NAP1L4: variants seen among roughly 807,000 people sequenced by gnomAD.
NAP1L4 encodes the protein nucleosome assembly protein 1-like 4.
In NAP1L4, 15 loss-of-function variants were observed where a neutral mutation model predicts 58.2. That is an observed-to-expected ratio of 0.26 (90% CI 0.17 to 0.40). The LOEUF is 0.40. Among genes scored for constraint, NAP1L4 ranks in the 10% least tolerant of loss-of-function variants. The pLI, the probability that NAP1L4 is intolerant of heterozygous loss-of-function variation, is 1.00. For synonymous variants in NAP1L4, 171 were observed against 155.6 expected (o/e 1.10, Z -0.74); for missense variants, 384 against 451.1 (o/e 0.85, Z 1.35).
chr11:2,977,090 G>C (rs2133990120), intron 3 of NAP1L4, among the ~76,000 whole-genome samples: 1 of 152,328 alleles, frequency 6.6e-6, no homozygotes, highest in East Asian at 1.9e-4. Flanking sequence ...TGAAGCACAT[G>C]AAGTGTATTT....
intron 8 of NAP1L4, among the ~76,000 whole-genome samples, chr11:2,962,432 C>T (rs796698947): frequency 1.1e-4 from 16 of 152,306 alleles, no homozygotes; most frequent in African/African-American, 3.6e-4. Flanking sequence ...TAGGCAAGCG[C>T]TCAAGGGAAG....
intron 7 of NAP1L4, among the ~76,000 whole-genome samples, chr11:2,968,086 T>A (rs941383137): frequency 6.6e-6 from 1 of 152,140 alleles, no homozygotes; most frequent in African/African-American, 2.4e-5. Context: ...CCAGGGCCCA[T>A]GAGCCAGACA....
At chr11:2,984,114 C>T (rs1442503234) in intron 1 of NAP1L4, among the ~76,000 whole-genome samples, 1 of 144,622 alleles carries the variant, frequency 6.9e-6, no homozygotes, top group Non-Finnish European at 1.5e-5. Context: ...CTGCAGTGAG[C>T]TATCACTGCG....
chr11:2,963,510 GA>G (rs1564979627), intron 8 of NAP1L4, among the ~76,000 whole-genome samples: 1 of 152,194 alleles, frequency 6.6e-6, no homozygotes, highest in African/African-American at 2.4e-5. Context: ...AGGGACACCT[GA>G]ATGTCACCTT....
chr11:2,974,518 A>C (rs2133981881), intron 4 of NAP1L4, among the ~76,000 whole-genome samples: 1 of 152,216 alleles, frequency 6.6e-6, no homozygotes, highest in Non-Finnish European at 1.5e-5. Context: ...CCATCAATCT[A>C]GTCTGCAAAA....
chr11:2,949,123 G>A lies in NAP1L4; in HGVS notation c.*32+104C>T, dbSNP rs972787970. 2.3e-5 allele frequency: 20 copies of A among 864,958 alleles called. No individual in the cohort carries two copies. The highest frequency in any genetic ancestry group is 2.7e-4 in the Middle Eastern group (1 of 3,696). The allele number at this position is 864,958 out of a possible 1,614,324, so 53.6% of individuals were successfully genotyped here. Reference sequence around the variant, plus strand: ...ATGTCAAACCTGTGACACAGTGAGTGTACCTGGACAGCAACTCCCTCTTTA... The same window carrying A: ...ATGTCAAACCTGTGACACAGTGAGTATACCTGGACAGCAACTCCCTCTTTA... On this transcript the variant is annotated intron_variant, in intron 15 of 15. Coordinates refer to ENST00000380542, the MANE Select transcript of NAP1L4 (RefSeq NM_005969.4). This position sits in a 1 kb window ranked among gnomAD's most constrained non-coding sequence, Gnocchi z 4.0.
At chr11:2,983,592 G>GA (rs545028521) in intron 1 of NAP1L4, among the ~76,000 whole-genome samples, 60,372 of 141,702 alleles carry the variant, frequency 0.43, 13,005 homozygotes, top group African/African-American at 0.56. Context: ...CGGTATTCTG[G>GA]AAAAAAAAAA....
chr11:2,969,316 G>T lies in NAP1L4; in HGVS notation c.534+487C>A, dbSNP rs7109661. Among the ~76,000 whole-genome samples, 1,518 of 151,964 alleles carry T rather than the reference G, an allele frequency of 1.0e-2. 26 individuals carry two copies. Among genetic ancestry groups the T allele is most frequent in the African/African-American group, 0.035 (1,440 of 41,446 alleles). ...AAATAGACACTTTTTCAAGAGAAAT[G>T]ATCAGAAAATATTAGCAACTTGTTC... is the stretch of plus-strand genomic sequence containing the variant. On this transcript the variant is annotated intron_variant, in intron 7 of 15. Coordinates refer to ENST00000380542, the MANE Select transcript of NAP1L4 (RefSeq NM_005969.4).
intron 1 of NAP1L4, among the ~76,000 whole-genome samples, chr11:2,987,372 G>A (rs1848693543): frequency 6.6e-6 from 1 of 151,392 alleles, no homozygotes; most frequent in Admixed American, 6.6e-5. Flanking sequence ...TCAAACTCCT[G>A]ACCCTCAGGT....
At chr11:2,981,157 G>A (rs1590267034) in intron 1 of NAP1L4, among the ~76,000 whole-genome samples, 1 of 151,530 alleles carries the variant, frequency 6.6e-6, no homozygotes, top group Non-Finnish European at 1.5e-5. Context: ...AGAATCGCTC[G>A]AGCACAGGAG....
intron 1 of NAP1L4, chr11:2,991,028 A>G (rs1240422330): frequency 4.5e-6 from 2 of 447,804 alleles, no homozygotes; most frequent in African/African-American, 2.0e-5. Flanking sequence ...TTACTACAGG[A>G]AAAAGTAATG....
At chr11:2,960,637 T>TG (rs1198096258) in intron 8 of NAP1L4, among the ~76,000 whole-genome samples, 3 of 152,188 alleles carry the variant, frequency 2.0e-5, no homozygotes, top group Non-Finnish European at 2.9e-5. Context: ...GCCAGGATTT[T>TG]GGGGTACTGA....
intron 1 of NAP1L4, among the ~76,000 whole-genome samples, chr11:2,979,865 T>C (rs1414423600): frequency 6.6e-6 from 1 of 152,238 alleles, no homozygotes; most frequent in Non-Finnish European, 1.5e-5. Context: ...TTATTTTTTA[T>C]AATACATTCG....
Position 2,954,626 on chromosome 11 carries a change from T to C in NAP1L4, c.936A>G (p.Thr312=), listed in dbSNP as rs921309353. 1.7e-5 allele frequency: 27 copies of C among 1,614,120 alleles called. No individual in the cohort carries two copies. Among genetic ancestry groups the C allele is most frequent in the Admixed American group, 5.0e-5 (3 of 60,014 alleles). ...GESLDEDSEF[T]LASDFEIGHF... ...GTCCAATTTCAAAATCAGAGGCTAA[T>C]GTGAATTCAGAATCTTCATCCTGAG... The change falls in exon 12 of 16, where the codon ACA becomes ACG. Residue 312 remains threonine (T), a synonymous_variant. Transcript: ENST00000380542. This position sits in a 1 kb window ranked among gnomAD's most constrained non-coding sequence, Gnocchi z 4.8.
intron 3 of NAP1L4, 24 bp from the exon 4 acceptor site, chr11:2,976,147 T>C (rs1392529317): frequency 4.5e-6 from 7 of 1,565,904 alleles, no homozygotes; most frequent in Non-Finnish European, 6.1e-6. Flanking sequence ...AGACCAAACA[T>C]ATTTAAAATA....
chr11:2,976,926 TC>T (rs1847995818), intron 3 of NAP1L4, among the ~76,000 whole-genome samples: 1 of 152,106 alleles, frequency 6.6e-6, no homozygotes, highest in Non-Finnish European at 1.5e-5. Flanking sequence ...CCAGCGCCCT[TC>T]CCTTGCTTAG....
rs1009039738 is a variant in NAP1L4 at position 2,959,901 on chromosome 11, C to A, written c.615G>T (p.Val205=). Residue 205 remains valine, a synonymous_variant, in exon 9 of 16, where the codon GTG becomes GTT. Coordinates refer to ENST00000380542, the MANE Select transcript of NAP1L4 (RefSeq NM_005969.4). This position sits in a 1 kb window ranked among gnomAD's most constrained non-coding sequence, Gnocchi z 4.9. ...CGTTGGGTTCAAAGTGGAACTCTAA[C>A]ACAAAAGACTAAAAGTAGAAATTCA... is the stretch of plus-strand genomic sequence containing the variant. ...FSDPGQPMSF[V]LEFHFEPNDY... 28 of 1,613,764 alleles carry A rather than the reference C, an allele frequency of 1.7e-5. No individual in the cohort carries two copies. The highest frequency in any genetic ancestry group is 2.1e-5 in the Non-Finnish European group (25 of 1,179,968).
In NAP1L4 at chr11:2,945,259, C is replaced by T. The variant is rs1426216526; in HGVS notation, c.*420G>A. Reference sequence around the variant, plus strand: ...GGGAGAGGTTCCAGATCCTGGGAACCACATCACCAGACCTCGGCCCTTTTT... The same window carrying T: ...GGGAGAGGTTCCAGATCCTGGGAACTACATCACCAGACCTCGGCCCTTTTT... On this transcript the variant is annotated 3_prime_UTR_variant, in exon 16 of 16. Transcript: ENST00000380542. 8.6e-6 allele frequency: 2 copies of T among 232,452 alleles called. No individual in the cohort carries two copies. Among genetic ancestry groups the T allele is most frequent in the African/African-American group, 4.5e-5 (2 of 44,520 alleles). 14.4% of individuals were successfully genotyped at this position (232,452 alleles called of 1,614,324 possible).
intron 4 of NAP1L4, among the ~76,000 whole-genome samples, chr11:2,975,458 C>T (rs1028186045): frequency 1.8e-4 from 28 of 152,014 alleles, no homozygotes; most frequent in Admixed American, 1.5e-3. Flanking sequence ...GTCAGCCAGG[C>T]ACGGTAGCTC....
Sources: allele counts gnomAD v4.1 joint callset (sites outside exome capture counted in the v4.1 genomes callset), GRCh38; gene constraint gnomAD v4.1.1; non-coding constraint Gnocchi (gnomAD v3.1); transcripts MANE v1.5; gene names NCBI Gene and HGNC (gene_info 2026-07-23, HGNC 2026-07-21).